Variants in SNHG17 observed in about 807,000 individuals in gnomAD.
The protein encoded by SNHG17 is small nucleolar RNA host gene 17.
intron 5 of SNHG17, among the ~76,000 whole-genome samples, chr20:38,423,132 C>T (rs1241320927): frequency 4.6e-5 from 7 of 151,664 alleles, no homozygotes; most frequent in African/African-American, 1.7e-4. Context: ...CATGGCAGTC[C>T]ATGCCTGTAA....
At chr20:38,434,197 C>T (rs1431810265) in intron 2 of SNHG17, among the ~76,000 whole-genome samples, 1 of 151,994 alleles carries the variant, frequency 6.6e-6, no homozygotes, top group Non-Finnish European at 1.5e-5. Flanking sequence ...ATTCAGCCCA[C>T]CAGTTCTGAG....
At chr20:38,433,065 C>G (rs1451578686) in intron 2 of SNHG17, among the ~76,000 whole-genome samples, 2 of 152,280 alleles carry the variant, frequency 1.3e-5, no homozygotes, top group East Asian at 3.9e-4. Flanking sequence ...CTCCACCTCC[C>G]AGGTTCAAGC....
chr20:38,431,856 C>T (rs188843645), intron 2 of SNHG17, among the ~76,000 whole-genome samples: 1 of 152,306 alleles, frequency 6.6e-6, no homozygotes, highest in African/African-American at 2.4e-5. Context: ...TTCATGATGG[C>T]CCCAAAGAGG....
intron 3 of SNHG17, chr20:38,428,297 T>A (rs2084283092): frequency 6.6e-6 from 1 of 152,180 alleles, no homozygotes; most frequent in Non-Finnish European, 1.5e-5. Flanking sequence ...CCAATCCAGC[T>A]TTCCCAGGGA....
chr20:38,425,010 C>T, intron 5 of SNHG17: 1 of 305,348 alleles, frequency 3.3e-6, no homozygotes, highest in Non-Finnish European at 6.7e-6. Flanking sequence ...GATGAGGTGC[C>T]CCCATCCAGC....
intron 5 of SNHG17, among the ~76,000 whole-genome samples, chr20:38,425,571 T>C (rs888615687): frequency 1.3e-5 from 2 of 152,200 alleles, no homozygotes; most frequent in Non-Finnish European, 2.9e-5. Context: ...ACTTCTGATG[T>C]AGTAGGTTGG....
intron 3 of SNHG17, chr20:38,428,471 G>A (rs1036516607): frequency 3.3e-5 from 5 of 152,194 alleles, no homozygotes; most frequent in African/African-American, 1.2e-4. Flanking sequence ...CGGGCCCTGC[G>A]GTCTGCCACT....
At chr20:38,432,153 A>C in intron 2 of SNHG17, 1 of 985,488 alleles carries the variant, frequency 1.0e-6, no homozygotes, top group Non-Finnish European at 1.2e-6. Context: ...CAAGGAGAGT[A>C]CTGGCACAGA....
chr20:38,433,103 T>C (rs1203716071), intron 2 of SNHG17, among the ~76,000 whole-genome samples: 2 of 151,934 alleles, frequency 1.3e-5, no homozygotes, highest in Non-Finnish European at 2.9e-5. Flanking sequence ...GCCTCCTGAG[T>C]AGCTGGAATT....
intron 2 of SNHG17, among the ~76,000 whole-genome samples, chr20:38,431,809 T>C (rs2084346312): frequency 6.6e-6 from 1 of 152,028 alleles, no homozygotes; most frequent in South Asian, 2.1e-4. Context: ...TCCCTAAAGA[T>C]GCTAAACCCA....
At chr20:38,429,859 A>G (rs2084314570) in intron 3 of SNHG17, 2 of 509,290 alleles carry the variant, frequency 3.9e-6, no homozygotes, top group African/African-American at 1.9e-5. Flanking sequence ...ATTCCGGGCA[A>G]TGGTCTCACC....
chr20:38,428,251 C>A (rs1418937385), intron 3 of SNHG17: 1 of 152,278 alleles, frequency 6.6e-6, no homozygotes, highest in African/African-American at 2.4e-5. Flanking sequence ...GCCTCCTCCT[C>A]CACAGCCCCT....
chr20:38,432,106 T>C (rs1055763404), intron 2 of SNHG17: 2 of 985,378 alleles, frequency 2.0e-6, no homozygotes, highest in Middle Eastern at 5.2e-4. Flanking sequence ...GGATGAGCTA[T>C]CTAGACATCA....
At chr20:38,435,067 C>T in intron 1 of SNHG17, 1 of 1,231,860 alleles carries the variant, frequency 8.1e-7, no homozygotes, top group Non-Finnish European at 1.0e-6. Context: ...TCCTGGGGGG[C>T]TCACTCCGGC....
intron 2 of SNHG17, chr20:38,432,245 TAG>T: frequency 1.2e-6 from 1 of 831,098 alleles, no homozygotes; most frequent in Non-Finnish European, 1.5e-6. Flanking sequence ...AGAGTTCATC[TAG>T]AGAAGAACCA....
intron 3 of SNHG17, chr20:38,427,335 G>C (rs372195567): frequency 4.5e-5 from 23 of 516,812 alleles, no homozygotes; most frequent in Non-Finnish European, 8.5e-5. Context: ...GGTTCGGATG[G>C]GATAGGGTGG....
At chr20:38,425,408 G>A in intron 5 of SNHG17, 1 of 461,286 alleles carries the variant, frequency 2.2e-6, no homozygotes, top group South Asian at 1.5e-5. Context: ...AAGAGACCTG[G>A]AAACAAGTCA....
At chr20:38,427,275 ACTC>A (rs1385517670) in intron 3 of SNHG17, 5 of 463,124 alleles carry the variant, frequency 1.1e-5, no homozygotes, top group East Asian at 5.9e-5. Flanking sequence ...CAAGCGCCGG[ACTC>A]CTCAAGGGCT....
chr20:38,433,894 C>T (rs1268527152), intron 2 of SNHG17: 13 of 519,124 alleles, frequency 2.5e-5, no homozygotes, highest in African/African-American at 5.8e-5. Flanking sequence ...TTGAAAGGGA[C>T]AGGAGCGGAC....
Sources: gnomAD v4.1 joint callset for allele counts (sites outside exome capture counted in the v4.1 genomes callset) on GRCh38, gnomAD v4.1.1 for gene constraint, MANE v1.5 for transcripts, NCBI Gene and HGNC (gene_info 2026-07-23, HGNC 2026-07-21) for gene names.